Variants in BCAS3 observed in about 807,000 individuals in gnomAD.
BCAS3 encodes the protein BCAS4/BCAS3 fusion.
A neutral mutation model predicts 116.1 loss-of-function variants in BCAS3; 53 were observed. That is an observed-to-expected ratio of 0.46 (90% CI 0.37 to 0.57). The LOEUF (loss-of-function observed/expected upper bound fraction) is 0.57. Ranked by LOEUF, BCAS3 falls within the 20% of genes least tolerant of loss-of-function variation. BCAS3 has a pLI of 0.00. For synonymous variants in BCAS3, 391 were observed against 408.2 expected (o/e 0.96, Z 0.51); for missense variants, 917 against 1,165.4 (o/e 0.79, Z 3.10).
chr17:60,702,445 C>T (rs1489370147), intron 4 of BCAS3, among the ~76,000 whole-genome samples: 8 of 152,136 alleles, frequency 5.3e-5, no homozygotes, highest in South Asian at 4.1e-4. Flanking sequence ...GCTGGAGATT[C>T]TCCCAAGAAT....
intron 22 of BCAS3, among the ~76,000 whole-genome samples, chr17:61,328,320 T>C (rs2055907638): frequency 6.6e-6 from 1 of 152,186 alleles, no homozygotes; most frequent in African/African-American, 2.4e-5. Context: ...AACAGGGAAT[T>C]CTCACTCTGT....
At chr17:60,785,447 C>T (rs1342514824) in intron 6 of BCAS3, among the ~76,000 whole-genome samples, 1 of 152,218 alleles carries the variant, frequency 6.6e-6, no homozygotes, top group Admixed American at 6.5e-5. Flanking sequence ...GAATGAGCCA[C>T]TGCGCCCAGC....
Position 61,136,288 on chromosome 17 carries a change from A to T in BCAS3, c.2425+51724A>T, listed in dbSNP as rs1331425348. 1.3e-5 allele frequency among the ~76,000 whole-genome samples: 2 copies of T among 152,206 alleles called. No homozygotes were observed. The highest frequency in any genetic ancestry group is 3.9e-4 in the East Asian group (2 of 5,194). ...TCTCTGCACCTGGAGCATCTTGGAC[A>T]TAGCTTTGTTTCCACCTTGCATTCA... is the stretch of plus-strand genomic sequence containing the variant. On this transcript the variant is annotated intron_variant, in intron 22 of 23. Transcript: ENST00000407086. The surrounding 1 kb of genome is among the most constrained non-coding windows in gnomAD (Gnocchi z 4.4).
chr17:61,349,616 T>A lies in BCAS3; in HGVS notation c.2426-18711T>A, dbSNP rs1404291546. Among the ~76,000 whole-genome samples, 1 of 152,216 alleles carries A rather than the reference T, an allele frequency of 6.6e-6. No individual in the cohort carries two copies. The highest frequency in any genetic ancestry group is 1.5e-5 in the Non-Finnish European group (1 of 68,032). The stretch of plus-strand genomic sequence containing the variant: ...TAATGGACCTGACTGTAATCCAACA[T>A]GTTTTTTAAAGCTAGCATATGTTTC... On this transcript the variant is annotated intron_variant, in intron 22 of 23. Transcript: ENST00000407086. The surrounding 1 kb of genome is among the most constrained non-coding windows in gnomAD (Gnocchi z 4.7).
intron 22 of BCAS3, among the ~76,000 whole-genome samples, chr17:61,116,258 A>AATC (rs2143775116): frequency 3.5e-5 from 2 of 57,844 alleles, no homozygotes; most frequent in South Asian, 2.2e-3. Flanking sequence ...ATAAATAAAT[A>AATC]AATAAATAAA....
At chr17:60,798,448 A>G (rs902422884) in intron 6 of BCAS3, among the ~76,000 whole-genome samples, 1 of 152,202 alleles carries the variant, frequency 6.6e-6, no homozygotes, top group African/African-American at 2.4e-5. Context: ...AGTTGGTAAC[A>G]TATGATATAT....
At chr17:60,887,375 C>G (rs922245354) in intron 9 of BCAS3, 6 of 153,186 alleles carry the variant, frequency 3.9e-5, no homozygotes, top group Admixed American at 2.0e-4. Flanking sequence ...GAGATGAACC[C>G]GGTACCTCAG....
intron 6 of BCAS3, among the ~76,000 whole-genome samples, chr17:60,784,485 A>T (rs1305465312): frequency 1.3e-5 from 2 of 149,874 alleles, no homozygotes; most frequent in East Asian, 4.0e-4. Context: ...TTGTATTTTT[A>T]GTAGAGACGG....
chr17:60,939,203 G>T (rs7209115), intron 13 of BCAS3, among the ~76,000 whole-genome samples: 13,615 of 152,052 alleles, frequency 0.09, 2,046 homozygotes, highest in African/African-American at 0.31. Flanking sequence ...GGCCGAGGTG[G>T]GTAGATCACT....
intron 5 of BCAS3, among the ~76,000 whole-genome samples, chr17:60,738,866 C>T (rs1188668714): frequency 2.0e-5 from 3 of 152,150 alleles, no homozygotes; most frequent in Non-Finnish European, 4.4e-5. Flanking sequence ...ATTGATCCTC[C>T]TGCCTCAGCC....
At chr17:60,757,870 T>C (rs568486251) in intron 6 of BCAS3, among the ~76,000 whole-genome samples, 2 of 152,248 alleles carry the variant, frequency 1.3e-5, no homozygotes, top group South Asian at 2.1e-4. Flanking sequence ...CATATATATA[T>C]ATTTAGTAGT....
chr17:61,392,109 C>A lies in BCAS3; in HGVS notation c.2726C>A (p.Pro909Gln). 1 of 1,613,436 alleles carries A rather than the reference C, an allele frequency of 6.2e-7. No homozygotes were observed. Among genetic ancestry groups the A allele is most frequent in the African/African-American group, 1.3e-5 (1 of 75,044 alleles). Residue 909 changes from proline (P) to glutamine (Q), a missense_variant, in exon 24 of 24, where the codon CCG becomes CAG. Pro to Gln is a moderately conservative substitution (Grantham distance 76). Around this residue, in one of 3 missense-constraint regions of BCAS3, gnomAD observed 109 missense variants for 122.8 expected, o/e 0.89. Coordinates refer to ENST00000407086, the MANE Select transcript of BCAS3 (RefSeq NM_017679.5). This position sits in a 1 kb window ranked among gnomAD's most constrained non-coding sequence, Gnocchi z 6.4. ...TNESQPLSLF[P>Q]TGFP The stretch of plus-strand genomic sequence containing the variant: ...GAGAGCCAGCCCCTCAGCCTCTTCC[C>A]GACTGGCTTCCCGTAGGTACCAGCA...
chr17:61,256,581 G>A lies in BCAS3; in HGVS notation c.2426-111746G>A, dbSNP rs2048796078. Among the ~76,000 whole-genome samples the A allele has an allele frequency of 6.6e-6, 1 of 152,206 alleles. No homozygotes were observed. The highest frequency in any genetic ancestry group is 6.5e-5 in the Admixed American group (1 of 15,280). Reference sequence around the variant, plus strand: ...GGCCTCCCAAAGTGCTGGGATTACAGGCGTGAGCCACCGCGCCTGGCCGTT... The same window carrying A: ...GGCCTCCCAAAGTGCTGGGATTACAAGCGTGAGCCACCGCGCCTGGCCGTT... On this transcript the variant is annotated intron_variant, in intron 22 of 23. Transcript: ENST00000407086. The surrounding 1 kb of genome is among the most constrained non-coding windows in gnomAD (Gnocchi z 5.6).
rs926401565 is a variant in BCAS3 at position 61,348,120 on chromosome 17, C to G, written c.2426-20207C>G. Among the ~76,000 whole-genome samples the G allele has an allele frequency of 6.6e-6, 1 of 152,170 alleles. No individual in the cohort carries two copies. The highest frequency in any genetic ancestry group is 2.1e-4 in the South Asian group (1 of 4,836). ...TAATCCCAATGAGAACTGGTAAGAG[C>G]CTAAGCCCAGTGGCTAAGGAAAGTA... On this transcript the variant is annotated intron_variant, in intron 22 of 23. Transcript: ENST00000407086. This position sits in a 1 kb window ranked among gnomAD's most constrained non-coding sequence, Gnocchi z 4.5.
At chr17:60,678,248 G>C (rs536636295) in intron 1 of BCAS3, among the ~76,000 whole-genome samples, 1 of 152,192 alleles carries the variant, frequency 6.6e-6, no homozygotes, top group African/African-American at 2.4e-5. Context: ...TGAGAGGGCT[G>C]AGGGGCTGGA....
At chr17:60,892,337 A>C (rs1426966468) in intron 10 of BCAS3, among the ~76,000 whole-genome samples, 1 of 138,468 alleles carries the variant, frequency 7.2e-6, no homozygotes, top group African/African-American at 2.7e-5. Flanking sequence ...TTTGAGACAG[A>C]GTTTTGCTTT....
Position 61,087,173 on chromosome 17 carries a change from T to C in BCAS3, c.2425+2609T>C, listed in dbSNP as rs1047681833. ...TGCACCTCTGATTATGATCCATGCA[T>C]TGGAGTCAGCTGCACATCAGGAAGT... is the stretch of plus-strand genomic sequence containing the variant. On this transcript the variant is annotated intron_variant, in intron 22 of 23. Coordinates refer to ENST00000407086, the MANE Select transcript of BCAS3 (RefSeq NM_017679.5). The surrounding 1 kb of genome is among the most constrained non-coding windows in gnomAD (Gnocchi z 4.6). The C allele has an allele frequency of 4.1e-6, 4 of 985,526 alleles. No homozygotes were observed. Among genetic ancestry groups the C allele is most frequent in the Admixed American group, 6.1e-5 (1 of 16,288 alleles). 61.0% of individuals were successfully genotyped at this position (985,526 alleles called of 1,614,324 possible).
intron 22 of BCAS3, among the ~76,000 whole-genome samples, chr17:61,260,816 A>T (rs2049139403): frequency 6.6e-6 from 1 of 152,236 alleles, no homozygotes; most frequent in South Asian, 2.1e-4. Flanking sequence ...GCAGAAGAAA[A>T]TGATCTTTGT....
chr17:60,932,742 C>CAAAAA (rs1167994825), intron 13 of BCAS3, among the ~76,000 whole-genome samples: 48 of 38,144 alleles, frequency 1.3e-3, no homozygotes, highest in East Asian at 2.3e-3. Context: ...ACTCTTGTCT[C>CAAAAA]AAAAAAAAAA....
Sources: gnomAD v4.1 joint callset for allele counts (sites outside exome capture counted in the v4.1 genomes callset) on GRCh38, gnomAD v4.1.1 for gene constraint, gnomAD v4.1.1 regional missense constraint, Gnocchi (gnomAD v3.1) non-coding constraint, MANE v1.5 for transcripts, NCBI Gene and HGNC (gene_info 2026-07-23, HGNC 2026-07-21) for gene names.